HADHA: variants seen among roughly 807,000 people sequenced by gnomAD.
HADHA encodes hydroxyacyl-CoA dehydrogenase trifunctional multienzyme complex subunit alpha.
A neutral mutation model predicts 91.3 loss-of-function variants in HADHA; 59 were observed. The observed-to-expected ratio is 0.65, with a 90% CI of 0.52 to 0.80. The LOEUF (loss-of-function observed/expected upper bound fraction) is 0.80, where lower values mean the gene tolerates loss of function less well. Among genes scored for constraint, HADHA ranks in the 30% least tolerant of loss-of-function variants. The pLI is 0.00. For synonymous variants in HADHA, 320 were observed against 338.9 expected (o/e 0.94, Z 0.61); for missense variants, 800 against 927.6 (o/e 0.86, Z 1.79).
Position 26,221,828 on chromosome 2 carries a change from C to T in HADHA, c.677-6653G>A, listed in dbSNP as rs947222921. 3.9e-5 allele frequency among the ~76,000 whole-genome samples: 6 copies of T among 152,188 alleles called. No homozygotes were observed. In the East Asian group the frequency reaches 1.2e-3, roughly 29 times the overall value. On this transcript the variant is annotated intron_variant, in intron 7 of 19. Transcript: ENST00000380649. This position sits in a 1 kb window ranked among gnomAD's most constrained non-coding sequence, Gnocchi z 4.8. ...AGGACAGTGGTGAAGGGATAGCCTC[C>T]CAGTGGGCAGTACTTCTGACAGTGC... is the stretch of plus-strand genomic sequence containing the variant.
chr2:26,212,706 G>A (rs1670132308), intron 9 of HADHA, 80 bp from the exon 10 acceptor site: 4 of 919,296 alleles, frequency 4.4e-6, no homozygotes, highest in East Asian at 2.4e-5. Context: ...AATTGCCAGT[G>A]TTGTTAGTCC....
chr2:26,191,159 A>G lies in HADHA; in HGVS notation c.*91T>C. The G allele has an allele frequency of 7.5e-7, 1 of 1,332,726 alleles. No individual in the cohort carries two copies. Among genetic ancestry groups the G allele is most frequent in the African/African-American group, 1.4e-5 (1 of 69,734 alleles). 82.6% of individuals were successfully genotyped at this position (1,332,726 alleles called of 1,614,324 possible). A position where few individuals can be genotyped will look rare whatever the true frequency, so the allele number is the denominator to read the frequency against. On this transcript the variant is annotated 3_prime_UTR_variant, in exon 20 of 20. Coordinates refer to ENST00000380649, the MANE Select transcript of HADHA (RefSeq NM_000182.5). The stretch of plus-strand genomic sequence containing the variant: ...CAGTGCCGGAGTTTGTCTTCTCGTT[A>G]CTCTGATAAATCTAGACACCACTCT...
Position 26,193,544 on chromosome 2 carries a change from T to G in HADHA, c.1885+33A>C, listed in dbSNP as rs766881788. 8.5e-6 allele frequency: 13 copies of G among 1,524,496 alleles called. No individual in the cohort carries two copies. In the African/African-American group the frequency reaches 1.6e-4, roughly 19 times the overall value. 94.4% of individuals were successfully genotyped at this position (1,524,496 alleles called of 1,614,324 possible). A position where few individuals can be genotyped will look rare whatever the true frequency, so the allele number is the denominator to read the frequency against. On this transcript the variant is annotated intron_variant, in intron 17 of 19. Transcript: ENST00000380649. ...GAACTGCTTAGAACTTTGTAACTAA[T>G]GGTGCTAGTTATGTTTCCTTGAGGC...
At chr2:26,198,238 T>G (rs1365690281) in intron 13 of HADHA, among the ~76,000 whole-genome samples, 1 of 152,158 alleles carries the variant, frequency 6.6e-6, no homozygotes, top group Non-Finnish European at 1.5e-5. Flanking sequence ...AGTGTGTTAC[T>G]AAAAAACGGC....
chr2:26,205,774 C>T (rs1019727629), intron 11 of HADHA, among the ~76,000 whole-genome samples: 2 of 151,902 alleles, frequency 1.3e-5, no homozygotes, highest in Admixed American at 6.6e-5. Flanking sequence ...TGCATTCCAG[C>T]CTAGGTGACA....
intron 6 of HADHA, 53 bp from the exon 7 acceptor site, chr2:26,230,347 T>C (rs1670593591): frequency 2.0e-6 from 2 of 1,011,756 alleles, no homozygotes; most frequent in Non-Finnish European, 3.2e-6. Flanking sequence ...AGGGTGATAA[T>C]TATATAGTTT....
In HADHA at chr2:26,194,599, T is replaced by G. The variant is rs376734813; in HGVS notation, c.1660A>C (p.Met554Leu). 6.2e-7 allele frequency: 1 copy of G among 1,612,616 alleles called. No homozygotes were observed. Among genetic ancestry groups the G allele is most frequent in the Non-Finnish European group, 8.5e-7 (1 of 1,178,704 alleles). The change falls in exon 16 of 20, where the codon ATG becomes CTG. Residue 554 changes from methionine (M) to leucine (L), a missense_variant. By Grantham distance (15) the Met-to-Leu change is conservative. Transcript: ENST00000380649. The part of the protein sequence containing the change: ...GFYTTRCLAP[M>L]MSEVIRILQE... ...AGGATTCGGATGACTTCAGACATCA[T>G]GGGCGCAAGACACCTGGTAGTATAG...
intron 1 of HADHA, among the ~76,000 whole-genome samples, chr2:26,242,944 G>C (rs894295436): frequency 2.0e-5 from 3 of 152,134 alleles, no homozygotes; most frequent in African/African-American, 7.2e-5. Context: ...GTAGAGACGG[G>C]GTTTCACCGT....
Position 26,238,984 on chromosome 2 carries a change from C to A in HADHA, c.130G>T (p.Gly44Ter). ...ALLTRTHINYGVKGDVAVVRI... is the reference protein window; with the variant it reads ...ALLTRTHINY Reference sequence around the variant, plus strand: ...ACAACTGCCACATCCCCTTTGACTCCATAGTTAATATGGGTTCTGGCTAAA... The same window carrying A: ...ACAACTGCCACATCCCCTTTGACTCAATAGTTAATATGGGTTCTGGCTAAA... The change falls in exon 3 of 20, where the codon GGA becomes TGA. Residue 44 changes from glycine (G) to a stop codon, truncating the protein, a stop_gained. Coordinates refer to ENST00000380649, the MANE Select transcript of HADHA (RefSeq NM_000182.5). LOFTEE classifies it high-confidence loss of function. 6.2e-7 allele frequency: 1 copy of A among 1,606,170 alleles called. No homozygotes were observed. The highest frequency in any genetic ancestry group is 8.5e-7 in the Non-Finnish European group (1 of 1,173,200).
intron 4 of HADHA, among the ~76,000 whole-genome samples, chr2:26,236,420 G>GTATATATA (rs1553315922): frequency 8.6e-5 from 10 of 116,478 alleles, no homozygotes; most frequent in Non-Finnish European, 1.6e-4. Flanking sequence ...GTGTGTGTGT[G>GTATATATA]TATATACTTT....
In HADHA at chr2:26,210,947, G is replaced by A. The variant is rs1180743404; in HGVS notation, c.976-1058C>T. 1 of 152,150 alleles carries A rather than the reference G, an allele frequency of 6.6e-6. No individual in the cohort carries two copies. The highest frequency in any genetic ancestry group is 1.5e-5 in the Non-Finnish European group (1 of 68,036). 9.4% of individuals were successfully genotyped at this position (152,150 alleles called of 1,614,324 possible). A position where few individuals can be genotyped will look rare whatever the true frequency, so the allele number is the denominator to read the frequency against. On this transcript the variant is annotated intron_variant, in intron 10 of 19. Transcript: ENST00000380649. The surrounding 1 kb of genome is among the most constrained non-coding windows in gnomAD (Gnocchi z 4.0). ...CTAGGATATAATGGTAAGATTGCAT[G>A]GTTACAAAGAGCATTTCAAAAGAAT... is the stretch of plus-strand genomic sequence containing the variant.
rs1670591755 is a variant in HADHA at position 26,230,300 on chromosome 2, A to G, written c.574-6T>C. On this transcript the variant is annotated splice_polypyrimidine_tract_variant and splice_region_variant and intron_variant, in intron 6 of 19. Coordinates refer to ENST00000380649, the MANE Select transcript of HADHA (RefSeq NM_000182.5). ...AAAGCAGCAGGCACACCCACCTAAC[A>G]GGCAAGCAAGGATGAGAATATAGGG... 1.3e-5 allele frequency: 21 copies of G among 1,570,922 alleles called. No homozygotes were observed. Among genetic ancestry groups the G allele is most frequent in the Non-Finnish European group, 1.8e-5 (21 of 1,140,952 alleles).
chr2:26,191,366 C>T lies in HADHA; in HGVS notation c.2176G>A (p.Ala726Thr), dbSNP rs150104304. ...TTGAGCCGGTCCACTATCTTCTGGG[C>T]GCCATACAGATCCACAAAGCGGAAA... ...GPFRFVDLYG[A>T]QKIVDRLKKY... Residue 726 changes from alanine to threonine, a missense_variant, in exon 20 of 20, where the codon GCC becomes ACC. Coordinates refer to ENST00000380649, the MANE Select transcript of HADHA (RefSeq NM_000182.5). 1.4e-5 allele frequency: 22 copies of T among 1,613,982 alleles called. No individual in the cohort carries two copies. Among genetic ancestry groups the T allele is most frequent in the East Asian group, 2.2e-5 (1 of 44,888 alleles).
At chr2:26,243,802 A>G (rs1670986155) in intron 1 of HADHA, among the ~76,000 whole-genome samples, 1 of 152,234 alleles carries the variant, frequency 6.6e-6, no homozygotes, top group African/African-American at 2.4e-5. Context: ...TGCCAGTTTG[A>G]AAAGGAAAAA....
intron 12 of HADHA, among the ~76,000 whole-genome samples, chr2:26,201,920 G>T (rs1419410730): frequency 1.3e-5 from 2 of 150,822 alleles, no homozygotes; most frequent in African/African-American, 4.9e-5. Flanking sequence ...TCAGCCTCCT[G>T]AGTAGCTGGG....
At chr2:26,240,090 C>G (rs999516896) in intron 1 of HADHA, among the ~76,000 whole-genome samples, 2 of 152,218 alleles carry the variant, frequency 1.3e-5, no homozygotes, top group Admixed American at 6.5e-5. Flanking sequence ...AAAACCTCAT[C>G]TTCGGATTCT....
At chr2:26,213,714 A>T (rs956605550) in intron 9 of HADHA, among the ~76,000 whole-genome samples, 1 of 152,156 alleles carries the variant, frequency 6.6e-6, no homozygotes, top group Non-Finnish European at 1.5e-5. Flanking sequence ...ATGCTGCCTT[A>T]TATCTCTTAA....
At chr2:26,215,685 G>A (rs1470558357) in intron 7 of HADHA, among the ~76,000 whole-genome samples, 3 of 152,164 alleles carry the variant, frequency 2.0e-5, no homozygotes, top group African/African-American at 2.4e-5. Context: ...CTTGACTCAA[G>A]CAGAAGGAAA....
intron 7 of HADHA, among the ~76,000 whole-genome samples, chr2:26,227,200 T>C (rs1254366485): frequency 6.6e-6 from 1 of 152,112 alleles, no homozygotes; most frequent in Non-Finnish European, 1.5e-5. Flanking sequence ...TAGGGTAATA[T>C]AAAAACCACA....
Sources: allele counts gnomAD v4.1 joint callset (sites outside exome capture counted in the v4.1 genomes callset), GRCh38; gene constraint gnomAD v4.1.1; non-coding constraint Gnocchi (gnomAD v3.1); transcripts MANE v1.5; gene names NCBI Gene and HGNC (gene_info 2026-07-23, HGNC 2026-07-21).